PSG3: variants seen among roughly 807,000 people sequenced by gnomAD.
The protein encoded by PSG3 is pregnancy-specific beta-1-glycoprotein 3.
Under a neutral mutation model 47.5 loss-of-function variants are expected in PSG3, and 61 were observed. That is an observed-to-expected ratio of 1.28 (90% CI 1.05 to 1.59). PSG3 has a LOEUF of 1.59. PSG3 is among the 40% of genes most tolerant of loss of function. PSG3 has a pLI of 0.00. For missense variants in PSG3, 756 were observed against 524.0 expected, an observed-to-expected ratio of 1.44 and a Z score of -4.32; for synonymous variants, 263 against 198.4, an observed-to-expected ratio of 1.33 and a Z score of -2.74.
rs754326742 is a variant in PSG3, at chr19:42,732,967, C to T, written c.526G>A (p.Ala176Thr). Residue 176 changes from alanine to threonine, a missense_variant, in exon 3 of 7, where the codon GCA becomes ACA. Ala to Thr is a moderately conservative substitution (Grantham distance 58, BLOSUM62 0). Coordinates refer to ENST00000327495, the MANE Select transcript of PSG3 (RefSeq NM_021016.4). Reference sequence around the variant, plus strand: ...CCATTCATCCACCACAGGTAGCTTGCGTCCGGAGTCTCAGGATCACAGGTT... The same window carrying T: ...CCATTCATCCACCACAGGTAGCTTGTGTCCGGAGTCTCAGGATCACAGGTT... The part of the protein sequence containing the change: ...SLTCDPETPD[A>T]SYLWWMNGQS... The T allele has an allele frequency of 1.1e-4, 173 of 1,614,004 alleles. No homozygotes were observed. Among genetic ancestry groups the T allele is most frequent in the East Asian group, 2.2e-4 (10 of 44,898 alleles).
At position 42,738,802 on chromosome 19, in the gene PSG3, C is replaced by T. The variant is rs1969611288; in HGVS notation, c.352G>A (p.Gly118Arg). 6.2e-7 allele frequency: 1 copy of T among 1,614,122 alleles called. No homozygotes were observed. Among genetic ancestry groups the T allele is most frequent in the Non-Finnish European group, 8.5e-7 (1 of 1,179,986 alleles). ...TTTACGATGTGTAAGGTGTAGGATC[C>T]TGCGTCCTCCCGGGTGACATTCTGG... ...LIQNVTREDAGSYTLHIVKRG... is the reference protein window; with the variant it reads ...LIQNVTREDARSYTLHIVKRG... The change falls in exon 2 of 7, where the codon GGA becomes AGA. Residue 118 changes from glycine (G) to arginine (R), a missense_variant. Transcript: ENST00000327495.
chr19:42,734,515 A>C (rs2122187706), intron 2 of PSG3, among the ~76,000 whole-genome samples: 1 of 152,336 alleles, frequency 6.6e-6, no homozygotes, highest in Middle Eastern at 3.4e-3. Flanking sequence ...CAACAACAGC[A>C]AAAAATTTGG....
intron 5 of PSG3, among the ~76,000 whole-genome samples, chr19:42,728,529 A>T (rs981332329): frequency 2.0e-5 from 3 of 152,172 alleles, no homozygotes; most frequent in African/African-American, 7.2e-5. Context: ...CTTGGCTTCA[A>T]CTGGCAACTC....
chr19:42,731,252 G>T (rs1317696624), intron 3 of PSG3, among the ~76,000 whole-genome samples: 1 of 152,098 alleles, frequency 6.6e-6, no homozygotes, highest in South Asian at 2.1e-4. Context: ...AAAGTGTTTT[G>T]GATTTCTGAC....
chr19:42,724,879 A>ATATG (rs1198962616), intron 5 of PSG3, among the ~76,000 whole-genome samples: 1 of 151,612 alleles, frequency 6.6e-6, no homozygotes, highest in African/African-American at 2.4e-5. Flanking sequence ...TTTTCCATAT[A>ATATG]TATATATATG....
In PSG3 at chr19:42,737,417, G is replaced by T. The variant is rs370966498; in HGVS notation, c.430+1307C>A. On this transcript the variant is annotated intron_variant, in intron 2 of 6. Transcript: ENST00000327495. ...GCCTATGGTGGTGTAGGGTGTGAGT[G>T]GGGAAAGAAAACAAGGTCCTCTCCT... 3.1e-4 allele frequency among the ~76,000 whole-genome samples: 47 copies of T among 152,208 alleles called. 1 individual carries two copies. Among genetic ancestry groups the T allele is most frequent in the East Asian group, 2.3e-3 (12 of 5,174 alleles).
intron 5 of PSG3, among the ~76,000 whole-genome samples, chr19:42,725,767 A>G (rs1028189494): frequency 3.3e-5 from 5 of 151,882 alleles, no homozygotes; most frequent in African/African-American, 9.7e-5. Context: ...GGGAGGCTGA[A>G]GAAGGAGAAT....
chr19:42,729,091 C>T (rs1471593317), intron 5 of PSG3, 32 bp downstream of exon 5: 3 of 1,613,556 alleles, frequency 1.9e-6, no homozygotes, highest in Non-Finnish European at 2.5e-6. Context: ...CCACCTAAAA[C>T]TCTATTGCCA....
intron 2 of PSG3, among the ~76,000 whole-genome samples, chr19:42,736,398 C>T (rs1466277012): frequency 6.6e-6 from 1 of 152,180 alleles, no homozygotes; most frequent in East Asian, 1.9e-4. Flanking sequence ...TGGATTCAAG[C>T]ACAAACAGAT....
At chr19:42,725,658 G>T (rs183990840) in intron 5 of PSG3, among the ~76,000 whole-genome samples, 16 of 152,138 alleles carry the variant, frequency 1.1e-4, no homozygotes, top group African/African-American at 1.9e-4. Context: ...CCAGGTGTTT[G>T]GACCAGCATA....
chr19:42,722,809 G>C (rs902150098), intron 6 of PSG3, among the ~76,000 whole-genome samples: 30 of 152,204 alleles, frequency 2.0e-4, no homozygotes, highest in Non-Finnish European at 3.5e-4. Flanking sequence ...GAACATCATT[G>C]ATTTAGTTTT....
chr19:42,729,442 T>C, intron 4 of PSG3, 65 bp from the exon 5 acceptor site: 1 of 1,561,276 alleles, frequency 6.4e-7, no homozygotes, highest in Non-Finnish European at 8.7e-7. Context: ...CCTGGTCTCT[T>C]AAAGGGACAC....
intron 6 of PSG3, among the ~76,000 whole-genome samples, chr19:42,722,405 C>T (rs1027953089): frequency 1.3e-5 from 2 of 152,152 alleles, no homozygotes; most frequent in Non-Finnish European, 2.9e-5. Flanking sequence ...TGCCTGCCAC[C>T]AAGCCCGGCT....
intron 5 of PSG3, among the ~76,000 whole-genome samples, chr19:42,725,047 T>C (rs1458137968): frequency 6.6e-6 from 1 of 152,138 alleles, no homozygotes; most frequent in African/African-American, 2.4e-5. Context: ...GTGTAAAACT[T>C]TCCTGGTGTC....
At chr19:42,724,942 A>C (rs1178845222) in intron 5 of PSG3, among the ~76,000 whole-genome samples, 1 of 152,100 alleles carries the variant, frequency 6.6e-6, no homozygotes, top group African/African-American at 2.4e-5. Flanking sequence ...GCCCTGTGCT[A>C]AATACTTTCC....
intron 2 of PSG3, among the ~76,000 whole-genome samples, chr19:42,737,536 T>G (rs1208892744): frequency 6.6e-6 from 1 of 152,166 alleles, no homozygotes; most frequent in African/African-American, 2.4e-5. Flanking sequence ...GGCCTGGACA[T>G]GTTTTTTCCA....
chr19:42,732,548 T>C (rs559509191), intron 3 of PSG3: 176 of 980,092 alleles, frequency 1.8e-4, no homozygotes, highest in East Asian at 1.3e-3. Context: ...TCACCTGTTT[T>C]GCCCATCACA....
At chr19:42,733,211 A>C in intron 2 of PSG3, 149 bp from the exon 3 acceptor site, 1 of 1,461,558 alleles carries the variant, frequency 6.8e-7, no homozygotes, top group Non-Finnish European at 9.2e-7. Context: ...AGACAGATGC[A>C]TGGCAATCTG....
intron 2 of PSG3, among the ~76,000 whole-genome samples, chr19:42,737,863 T>C (rs930519276): frequency 2.6e-5 from 4 of 152,232 alleles, no homozygotes; most frequent in African/African-American, 9.6e-5. Context: ...TGGCTTTTCA[T>C]GCTATCTGTG....
Sources: allele counts gnomAD v4.1 joint callset (sites outside exome capture counted in the v4.1 genomes callset), GRCh38; gene constraint gnomAD v4.1.1; transcripts MANE v1.5; gene names NCBI Gene and HGNC (gene_info 2026-07-23, HGNC 2026-07-21).